Variants in AMPD3 observed in about 807,000 individuals in gnomAD.
AMPD3 encodes the protein AMP deaminase 3.
A neutral mutation model predicts 82.3 loss-of-function variants in AMPD3; 57 were observed. That is an observed-to-expected ratio of 0.69 (90% CI 0.56 to 0.86). The LOEUF (loss-of-function observed/expected upper bound fraction) is 0.86. Among genes scored for constraint, AMPD3 ranks in the 40% least tolerant of loss-of-function variants. The pLI, the probability that AMPD3 is intolerant of heterozygous loss-of-function variation, is 0.00. For missense variants in AMPD3, 870 were observed against 1,003.8 expected (o/e 0.87, Z 1.80); for synonymous variants, 381 against 394.7 (o/e 0.97, Z 0.41).
chr11:10,495,288 GTC>G, intron 8 of AMPD3: 2 of 985,458 alleles, frequency 2.0e-6, no homozygotes, highest in Non-Finnish European at 2.4e-6. Flanking sequence ...TGGCTTTCGT[GTC>G]TCTGCAGCCT....
At chr11:10,478,208 A>G (rs769691416) in intron 2 of AMPD3, 4 of 985,370 alleles carry the variant, frequency 4.1e-6, no homozygotes, top group Non-Finnish European at 3.6e-6. Flanking sequence ...CTGTGGTTTT[A>G]GAGCCCCTGC....
intron 8 of AMPD3, 151 bp downstream of exon 8, chr11:10,495,181 G>A: frequency 6.3e-7 from 1 of 1,582,822 alleles, no homozygotes; most frequent in Non-Finnish European, 8.6e-7. Flanking sequence ...GCCCAGTGCT[G>A]TGGTCTGGCT....
At chr11:10,497,840 C>A in intron 10 of AMPD3, 1 of 985,278 alleles carries the variant, frequency 1.0e-6, no homozygotes, top group Non-Finnish European at 1.2e-6. Flanking sequence ...GACGCCACAA[C>A]GTGATCTCAC....
At position 10,502,730 on chromosome 11, in the gene AMPD3, T is replaced by TTGCAGTATC. The variant is rs745795269; in HGVS notation, c.1854_1862dup (p.Gln619_Leu621dup). On this transcript the variant is annotated inframe_insertion, in exon 13 of 15. Coordinates refer to ENST00000396553, the MANE Select transcript of AMPD3 (RefSeq NM_001025389.2). ...GGTGGTTCTTTTGCAGAGTCCGGTA[T>TTGCAGTATC]TGCAGTATCTCTACTACCTTGCTCA... is the stretch of plus-strand genomic sequence containing the variant. 2 of 1,614,226 alleles carry TTGCAGTATC rather than the reference T, an allele frequency of 1.2e-6. No homozygotes were observed. Among genetic ancestry groups the TTGCAGTATC allele is most frequent in the Admixed American group, 3.3e-5 (2 of 60,032 alleles).
In AMPD3 at chr11:10,456,412, G is replaced by T; in HGVS notation, c.-6+964G>T. On this transcript the variant is annotated intron_variant, in intron 1 of 14. Coordinates refer to ENST00000396553, the MANE Select transcript of AMPD3 (RefSeq NM_001025389.2). The surrounding 1 kb of genome is among the most constrained non-coding windows in gnomAD (Gnocchi z 4.3). ...ATGGAGCCAGGCTCAGGTCTGTGTC[G>T]GGGCTTCTGCAAGGGGAGTCTGGCA... 1 of 1,613,750 alleles carries T rather than the reference G, an allele frequency of 6.2e-7. No individual in the cohort carries two copies. The highest frequency in any genetic ancestry group is 1.1e-5 in the South Asian group (1 of 91,080).
chr11:10,497,215 A>T (rs1337242166), intron 10 of AMPD3, among the ~76,000 whole-genome samples: 1 of 151,826 alleles, frequency 6.6e-6, no homozygotes, highest in Non-Finnish European at 1.5e-5. Context: ...GTGGGCAAAG[A>T]CTGGGAACTC....
chr11:10,502,129 T>C, intron 12 of AMPD3: 1 of 985,478 alleles, frequency 1.0e-6, no homozygotes. Flanking sequence ...CTTCTCCGTA[T>C]TTTGGATCAC....
chr11:10,461,824 C>T, intron 2 of AMPD3, 84 bp downstream of exon 2: 2 of 1,309,924 alleles, frequency 1.5e-6, no homozygotes, highest in Admixed American at 3.9e-5. Context: ...ATATGAGGCA[C>T]CTCATGGGGA....
At chr11:10,493,321 T>A in intron 6 of AMPD3, 28 bp from the exon 7 acceptor site, 1 of 1,613,610 alleles carries the variant, frequency 6.2e-7, no homozygotes, top group South Asian at 1.1e-5. Flanking sequence ...GTGGCCTGAC[T>A]CAGGGCCTGG....
At chr11:10,451,120 G>T (rs576887631), upstream of AMPD3, 39 of 1,534,730 alleles carry the variant, frequency 2.5e-5, no homozygotes, top group Non-Finnish European at 3.1e-5. Flanking sequence ...AATCAGCAGC[G>T]CCCTGGGGTC....
rs1849026419 is a variant in AMPD3 at position 10,485,038 on chromosome 11, A to G, written c.808A>G (p.Thr270Ala). 1 of 1,612,774 alleles carries G rather than the reference A, an allele frequency of 6.2e-7. No homozygotes were observed. Among genetic ancestry groups the G allele is most frequent in the Non-Finnish European group, 8.5e-7 (1 of 1,179,664 alleles). The change falls in exon 5 of 15, where the codon ACG (threonine) becomes GCG (alanine). Residue 270 changes from threonine (T) to alanine (A), a missense_variant and splice_region_variant. By Grantham distance (58) the Thr-to-Ala change is moderately conservative. Coordinates refer to ENST00000396553, the MANE Select transcript of AMPD3 (RefSeq NM_001025389.2). ...CCTGGCTCTCATCACCGATGGCCCCACGTAAGCTAGCTTCTCCGCGGCTGC... is the reference window on the plus strand; with the variant it reads ...CCTGGCTCTCATCACCGATGGCCCCGCGTAAGCTAGCTTCTCCGCGGCTGC... ...HILALITDGPTKTYCHRRLNF... is the reference protein window; with the variant it reads ...HILALITDGPAKTYCHRRLNF...
At chr11:10,466,433 A>C (rs1848424046) in intron 2 of AMPD3, among the ~76,000 whole-genome samples, 1 of 152,156 alleles carries the variant, frequency 6.6e-6, no homozygotes, top group African/African-American at 2.4e-5. Flanking sequence ...AGGAAGTTCA[A>C]ACTAGGTGGA....
intron 11 of AMPD3, chr11:10,500,885 A>G: frequency 1.5e-5 from 15 of 985,266 alleles, no homozygotes; most frequent in Non-Finnish European, 1.8e-5. Context: ...CTTGCATCCC[A>G]CTTTCCCCTG....
At chr11:10,477,978 A>C in intron 2 of AMPD3, 1 of 985,382 alleles carries the variant, frequency 1.0e-6, no homozygotes, top group Non-Finnish European at 1.2e-6. Context: ...TAAAACAAGG[A>C]GATTGGATTC....
intron 12 of AMPD3, chr11:10,501,833 T>C: frequency 1.0e-6 from 1 of 982,314 alleles, no homozygotes; most frequent in Non-Finnish European, 1.2e-6. Context: ...AAATAGCCAT[T>C]ATTAGCTTTT....
intron 5 of AMPD3, among the ~76,000 whole-genome samples, chr11:10,486,147 C>T (rs1286382087): frequency 1.3e-5 from 2 of 152,120 alleles, no homozygotes; most frequent in African/African-American, 4.8e-5. Context: ...AGTGGCTGTC[C>T]CATCTGGGAG....
chr11:10,495,251 C>T, intron 8 of AMPD3: 1 of 985,446 alleles, frequency 1.0e-6, no homozygotes, highest in Non-Finnish European at 1.2e-6. Context: ...AGGGTATCCA[C>T]CTTGGCCAAG....
At position 10,484,013 on chromosome 11, in the gene AMPD3, A is replaced by G. The variant is rs79168892; in HGVS notation, c.590-807A>G. On this transcript the variant is annotated intron_variant, in intron 4 of 14. Transcript: ENST00000396553. ...AAGAGTCAGGAAAACTAATTATGAGAATAATAAGAATAATATCCTATAATT... is the reference window on the plus strand; with the variant it reads ...AAGAGTCAGGAAAACTAATTATGAGGATAATAAGAATAATATCCTATAATT... Among the ~76,000 whole-genome samples, 596 of 152,346 alleles carry G rather than the reference A, an allele frequency of 3.9e-3. 6 individuals carry two copies. The highest frequency in any genetic ancestry group is 0.013 in the African/African-American group (554 of 41,572).
intron 6 of AMPD3, 120 bp downstream of exon 6, chr11:10,487,484 G>A (rs761814816): frequency 1.7e-4 from 232 of 1,398,434 alleles, no homozygotes; most frequent in Middle Eastern, 2.3e-4. Flanking sequence ...TGCTAAGGGC[G>A]GCCTTCGTGG....
Sources: allele counts gnomAD v4.1 joint callset (sites outside exome capture counted in the v4.1 genomes callset), GRCh38; gene constraint gnomAD v4.1.1; non-coding constraint Gnocchi (gnomAD v3.1); transcripts MANE v1.5; gene names NCBI Gene and HGNC (gene_info 2026-07-23, HGNC 2026-07-21).